VPS13B: variants seen among roughly 807,000 people sequenced by gnomAD.
VPS13B encodes intermembrane lipid transfer protein VPS13B.
Under a neutral mutation model 426.4 loss-of-function variants are expected in VPS13B, and 285 were observed. The ratio of observed to expected loss-of-function variants is 0.67; its 90% confidence interval spans 0.61 to 0.74. VPS13B has a LOEUF of 0.74. Among genes scored for constraint, VPS13B ranks in the 30% least tolerant of loss-of-function variants. The pLI is 0.00. For missense variants in VPS13B, 4,537 were observed against 4,782.6 expected (o/e 0.95, Z 1.51); for synonymous variants, 1,676 against 1,676.4 (o/e 1.00, Z 0.01).
intron 17 of VPS13B, among the ~76,000 whole-genome samples, chr8:99,220,780 C>CTTTTTTTTTT (rs5893485): frequency 1.8e-5 from 2 of 112,960 alleles, no homozygotes; most frequent in Non-Finnish European, 3.5e-5. Flanking sequence ...TAGTTTTATT[C>CTTTTTTTTTT]TTTTTTTTTT....
At chr8:99,114,083 A>G (rs764919790) in intron 6 of VPS13B, among the ~76,000 whole-genome samples, 1 of 151,962 alleles carries the variant, frequency 6.6e-6, no homozygotes, top group South Asian at 2.1e-4. Flanking sequence ...AATTCTGTGC[A>G]TAGAACTTTG....
intron 43 of VPS13B, among the ~76,000 whole-genome samples, chr8:99,806,419 ACAGCAACCTGATC>A (rs1813404814): frequency 6.6e-6 from 1 of 152,130 alleles, no homozygotes; most frequent in Non-Finnish European, 1.5e-5. Flanking sequence ...TTTCTTAATC[ACAGCAACCTGATC>A]CAGACCCTTC....
intron 40 of VPS13B, among the ~76,000 whole-genome samples, chr8:99,773,749 G>A (rs965220555): frequency 1.1e-4 from 17 of 152,166 alleles, no homozygotes; most frequent in African/African-American, 3.1e-4. Flanking sequence ...TAAAAGTGAA[G>A]AGCACCAGAT....
chr8:99,327,014 C>A (rs1810312396), intron 19 of VPS13B, among the ~76,000 whole-genome samples: 1 of 152,138 alleles, frequency 6.6e-6, no homozygotes, highest in African/African-American at 2.4e-5. Flanking sequence ...TATGAGATTT[C>A]TTCCCCTACC....
intron 15 of VPS13B, among the ~76,000 whole-genome samples, chr8:99,162,465 C>T (rs997045391): frequency 8.5e-5 from 13 of 152,212 alleles, no homozygotes; most frequent in African/African-American, 2.4e-4. Context: ...AGAATGAAGC[C>T]GCGGACCCTC....
chr8:99,721,527 A>G (rs1400039305), intron 39 of VPS13B, among the ~76,000 whole-genome samples: 2 of 152,208 alleles, frequency 1.3e-5, no homozygotes, highest in African/African-American at 2.4e-5. Context: ...ACCTGTGATC[A>G]TATTCCCTAA....
chr8:99,561,689 T>C (rs963771467), intron 31 of VPS13B, among the ~76,000 whole-genome samples: 3 of 152,218 alleles, frequency 2.0e-5, no homozygotes, highest in Admixed American at 6.5e-5. Context: ...GGTTAAGCTA[T>C]GATGTTTGAT....
intron 19 of VPS13B, among the ~76,000 whole-genome samples, chr8:99,322,717 T>A (rs1456787027): frequency 6.6e-6 from 1 of 152,206 alleles, no homozygotes; most frequent in Non-Finnish European, 1.5e-5. Context: ...CTTATTTTGG[T>A]TTCTTACCCT....
chr8:99,840,205 G>A (rs1397847635), intron 54 of VPS13B, among the ~76,000 whole-genome samples: 1 of 152,222 alleles, frequency 6.6e-6, no homozygotes, highest in Non-Finnish European at 1.5e-5. Context: ...GTAAAAGATA[G>A]AGTTAGCTTT....
intron 23 of VPS13B, among the ~76,000 whole-genome samples, chr8:99,451,028 C>T (rs1281574399): frequency 1.3e-5 from 2 of 152,072 alleles, no homozygotes; most frequent in African/African-American, 4.8e-5. Flanking sequence ...AAAAATTACT[C>T]AGGATTATCA....
chr8:99,337,584 C>T (rs1810988752), intron 19 of VPS13B, among the ~76,000 whole-genome samples: 1 of 150,094 alleles, frequency 6.7e-6, no homozygotes, highest in South Asian at 2.1e-4. Flanking sequence ...AATGGTTTGT[C>T]TTTAATTGAA....
intron 17 of VPS13B, among the ~76,000 whole-genome samples, chr8:99,212,107 G>A (rs971294387): frequency 1.3e-5 from 2 of 152,068 alleles, no homozygotes; most frequent in Admixed American, 1.3e-4. Flanking sequence ...TGGCCAGGCT[G>A]CTCTTGAACT....
chr8:99,431,669 A>G lies in VPS13B; in HGVS notation c.3210+5A>G. 6.2e-7 allele frequency: 1 copy of G among 1,612,106 alleles called. No individual in the cohort carries two copies. The highest frequency in any genetic ancestry group is 1.3e-5 in the African/African-American group (1 of 75,008). The stretch of plus-strand genomic sequence containing the variant: ...GTGAAGCATCTCACACTACAGGTAA[A>G]ATAAAAGTTAGAAATATTATGGATA... On this transcript the variant is annotated splice_donor_5th_base_variant and intron_variant, in intron 22 of 61. Transcript: ENST00000357162.
At chr8:99,147,670 A>T (rs1471369127) in intron 13 of VPS13B, among the ~76,000 whole-genome samples, 171 bp from the exon 14 acceptor site, 1 of 152,212 alleles carries the variant, frequency 6.6e-6, no homozygotes, top group East Asian at 1.9e-4. Context: ...TACATTCGAG[A>T]ATAGTGCAAC....
intron 30 of VPS13B, among the ~76,000 whole-genome samples, chr8:99,548,508 A>G (rs1386796691): frequency 6.6e-6 from 1 of 152,006 alleles, no homozygotes; most frequent in Non-Finnish European, 1.5e-5. Flanking sequence ...AATGTACCCC[A>G]TAAATTTATA....
intron 39 of VPS13B, among the ~76,000 whole-genome samples, chr8:99,742,520 C>A (rs1563893569): frequency 6.6e-6 from 1 of 151,988 alleles, no homozygotes; most frequent in Non-Finnish European, 1.5e-5. Context: ...GAGACACAAC[C>A]AAAAGAGAGA....
intron 22 of VPS13B, among the ~76,000 whole-genome samples, chr8:99,432,716 T>C (rs1817177552): frequency 6.6e-6 from 1 of 152,222 alleles, no homozygotes; most frequent in African/African-American, 2.4e-5. Context: ...AAATTATAAG[T>C]AAGGCAGACC....
At chr8:99,577,353 T>G in intron 32 of VPS13B, 137 bp from the exon 33 acceptor site, 1 of 1,118,106 alleles carries the variant, frequency 8.9e-7, no homozygotes, top group Non-Finnish European at 1.3e-6. Context: ...TCACCATTTT[T>G]GCTCTTCTCC....
At position 99,019,531 on chromosome 8, in the gene VPS13B, TG is replaced by T. The variant is rs1356861557; in HGVS notation, c.147+5598del. ...AATCATTTTTAAATGTACGATTCTGTGGTATTACGTATGTTTACATTGTTGT... is the reference window on the plus strand; with the variant it reads ...AATCATTTTTAAATGTACGATTCTGTGTATTACGTATGTTTACATTGTTGT... On this transcript the variant is annotated intron_variant, in intron 2 of 61. Transcript: ENST00000357162. 2.6e-5 allele frequency among the ~76,000 whole-genome samples: 4 copies of T among 152,310 alleles called. No individual in the cohort carries two copies. The East Asian group carries it at 7.7e-4, about 29-fold the overall frequency.
Sources: allele counts gnomAD v4.1 joint callset (sites outside exome capture counted in the v4.1 genomes callset), GRCh38; gene constraint gnomAD v4.1.1; transcripts MANE v1.5; gene names NCBI Gene and HGNC (gene_info 2026-07-23, HGNC 2026-07-21).